Variants in CCDC88A observed in about 807,000 individuals in gnomAD.
CCDC88A encodes the protein coiled-coil and HOOK domain protein 88A.
In CCDC88A, 54 loss-of-function variants were observed where a neutral mutation model predicts 234.3. That is an observed-to-expected ratio of 0.23 (90% CI 0.19 to 0.29). The LOEUF (loss-of-function observed/expected upper bound fraction) is 0.29, where lower values mean the gene tolerates loss of function less well. Among genes scored for constraint, CCDC88A ranks in the 10% least tolerant of loss-of-function variants. The probability of loss-of-function intolerance (pLI) is 1.00; values close to 1 mark genes in which losing one functional copy is unlikely to be tolerated. For missense variants in CCDC88A, 1,832 were observed against 2,123.4 expected (o/e 0.86, Z 2.70); for synonymous variants, 753 against 737.8 (o/e 1.02, Z -0.33).
chr2:55,316,001 G>C lies in CCDC88A; in HGVS notation c.3860C>G (p.Ala1287Gly). 6.3e-7 allele frequency: 1 copy of C among 1,586,716 alleles called. No homozygotes were observed. The highest frequency in any genetic ancestry group is 8.6e-7 in the Non-Finnish European group (1 of 1,166,626). Residue 1287 changes from alanine (A) to glycine (G), a missense_variant, in exon 22 of 33, where the codon GCT (alanine) becomes GGT (glycine). Coordinates refer to ENST00000436346, the MANE Select transcript of CCDC88A (RefSeq NM_001365480.1). ...TTGTTCCTTTAGTTTTGAAAATTCA[G>C]CTTCTAATCTTGTTTGTTCCAGTTT... ...NSKLEQTRLEAEFSKLKEQYQ... is the reference protein window; with the variant it reads ...NSKLEQTRLEGEFSKLKEQYQ...
At chr2:55,311,394 G>GT (rs1389139719) in intron 23 of CCDC88A, among the ~76,000 whole-genome samples, 4 of 152,118 alleles carry the variant, frequency 2.6e-5, no homozygotes. Context: ...AAATTTTTTG[G>GT]TAAGACTGGT....
chr2:55,307,831 C>T (rs996844016), intron 25 of CCDC88A: 2 of 151,974 alleles, frequency 1.3e-5, no homozygotes, highest in African/African-American at 4.8e-5. Context: ...CTGTGTCACC[C>T]AGGCTGGAGT....
intron 10 of CCDC88A, chr2:55,345,927 A>G (rs562958246): frequency 1.6e-5 from 5 of 314,816 alleles, no homozygotes; most frequent in African/African-American, 1.1e-4. Context: ...TCTGCTCTAT[A>G]TATGATGCTA....
chr2:55,297,638 T>C (rs1355951421), intron 29 of CCDC88A, among the ~76,000 whole-genome samples: 2 of 151,340 alleles, frequency 1.3e-5, no homozygotes, highest in African/African-American at 4.9e-5. Context: ...CTGTAACTCC[T>C]GACCTCAGGT....
chr2:55,333,196 T>G (rs1685127454), intron 15 of CCDC88A, among the ~76,000 whole-genome samples: 1 of 152,174 alleles, frequency 6.6e-6, no homozygotes, highest in East Asian at 1.9e-4. Context: ...AAGGTCCCTC[T>G]CAATGCTTCT....
At chr2:55,296,181 A>C in intron 30 of CCDC88A, 77 bp downstream of exon 30, 2 of 1,470,044 alleles carry the variant, frequency 1.4e-6, no homozygotes, top group Non-Finnish European at 1.8e-6. Context: ...ACCAAAAAAA[A>C]AAAGCTCTGA....
intron 5 of CCDC88A, among the ~76,000 whole-genome samples, chr2:55,367,893 C>T (rs1049092761): frequency 2.8e-4 from 42 of 152,224 alleles, no homozygotes; most frequent in African/African-American, 9.1e-4. Context: ...CACTACCCAA[C>T]CTGGCCAAAG....
intron 12 of CCDC88A, 70 bp from the exon 13 acceptor site, chr2:55,339,718 TA>T (rs1668242616): frequency 3.6e-6 from 5 of 1,378,508 alleles, no homozygotes; most frequent in Non-Finnish European, 4.9e-6. Context: ...CTTTACTATT[TA>T]AAAAGTTGAG....
chr2:55,344,529 C>G lies in CCDC88A; in HGVS notation c.1042-15G>C, dbSNP rs1020225173. On this transcript the variant is annotated splice_polypyrimidine_tract_variant and intron_variant, in intron 10 of 32. Coordinates refer to ENST00000436346, the MANE Select transcript of CCDC88A (RefSeq NM_001365480.1). Reference sequence around the variant, plus strand: ...TCTTTTAATTCCTATAAATGTTTATCACAAATGTGTTAATATCTGTTAATT... The same window carrying G: ...TCTTTTAATTCCTATAAATGTTTATGACAAATGTGTTAATATCTGTTAATT... 7.1e-7 allele frequency: 1 copy of G among 1,398,620 alleles called. No individual in the cohort carries two copies. The highest frequency in any genetic ancestry group is 9.7e-7 in the Non-Finnish European group (1 of 1,026,272). The allele number at this position is 1,398,620 out of a possible 1,614,324, so 86.6% of individuals were successfully genotyped here. A position where few individuals can be genotyped will look rare whatever the true frequency, so the allele number is the denominator to read the frequency against.
chr2:55,370,641 CAAAAA>C (rs567431857), intron 5 of CCDC88A, among the ~76,000 whole-genome samples: 2 of 47,528 alleles, frequency 4.2e-5, no homozygotes, highest in African/African-American at 6.1e-5. Context: ...AACTCTGTCT[CAAAAA>C]AAAAAAAAAA....
chr2:55,414,214 G>C (rs142625017), intron 2 of CCDC88A, among the ~76,000 whole-genome samples: 164 of 152,216 alleles, frequency 1.1e-3, no homozygotes, highest in African/African-American at 3.8e-3. Context: ...TCAACCGTTT[G>C]GGTAATATGA....
chr2:55,369,282 T>A (rs1019244231), intron 5 of CCDC88A, among the ~76,000 whole-genome samples: 1 of 151,948 alleles, frequency 6.6e-6, no homozygotes, highest in African/African-American at 2.4e-5. Flanking sequence ...TGATCCACTG[T>A]TCCGGCCTCC....
chr2:55,333,501 G>T (rs1685165718), intron 15 of CCDC88A, among the ~76,000 whole-genome samples: 2 of 152,086 alleles, frequency 1.3e-5, no homozygotes, highest in East Asian at 3.9e-4. Context: ...ATGGGGCTTT[G>T]GAGTCTGAAA....
Position 55,295,629 on chromosome 2 carries a change from G to A in CCDC88A, c.5519C>T (p.Ala1840Val). ...RLPISVDSPP[A>V]AADSNTTAAS... is the part of the protein sequence containing the mutation. ...TGCAGTGGTGTTGCTGTCAGCAGCA[G>A]CTGGTGGTGAATCAACTGATATAGG... Residue 1840 changes from alanine to valine, a missense_variant, in exon 31 of 33, where the codon GCT becomes GTT. Physicochemically the swap from Ala to Val is moderately conservative, Grantham distance 64. This residue lies in a region of CCDC88A where 422 missense variants were observed against 416.5 expected (regional missense o/e 1.01). Coordinates refer to ENST00000436346, the MANE Select transcript of CCDC88A (RefSeq NM_001365480.1). 6.2e-7 allele frequency: 1 copy of A among 1,614,168 alleles called. No individual in the cohort carries two copies. Among genetic ancestry groups the A allele is most frequent in the Non-Finnish European group, 8.5e-7 (1 of 1,180,004 alleles).
intron 4 of CCDC88A, 27 bp downstream of exon 4, chr2:55,374,787 C>CT: frequency 6.9e-7 from 1 of 1,439,786 alleles, no homozygotes; most frequent in Non-Finnish European, 9.8e-7. Flanking sequence ...TTAGACATTA[C>CT]TTTCACAGCT....
At position 55,302,007 on chromosome 2, in the gene CCDC88A, C is replaced by T; in HGVS notation, c.4537G>A (p.Glu1513Lys). ...CCCGTTGAAATATCATCAGGAACCTCCAAATTCTCAGTACTACCTGTCCAC... is the reference window on the plus strand; with the variant it reads ...CCCGTTGAAATATCATCAGGAACCTTCAAATTCTCAGTACTACCTGTCCAC... ...GQWTGSTENL[E>K]VPDDISTGKR... is the part of the protein sequence containing the mutation. Residue 1513 changes from glutamate (E) to lysine (K), a missense_variant, in exon 27 of 33, where the codon GAG (glutamate) becomes AAG (lysine). By Grantham distance (56) the Glu-to-Lys change is moderately conservative. This residue lies in a region of CCDC88A where 1,282 missense variants were observed against 1,543.6 expected (regional missense o/e 0.83). Coordinates refer to ENST00000436346, the MANE Select transcript of CCDC88A (RefSeq NM_001365480.1). 1 of 1,614,140 alleles carries T rather than the reference C, an allele frequency of 6.2e-7. No individual in the cohort carries two copies. The highest frequency in any genetic ancestry group is 8.5e-7 in the Non-Finnish European group (1 of 1,179,986).
Position 55,416,060 on chromosome 2 carries a change from G to T in CCDC88A, c.164+2756C>A, listed in dbSNP as rs186002604. On this transcript the variant is annotated intron_variant, in intron 2 of 32. Transcript: ENST00000436346. ...TAATGGGAAGAAATATCAATCAACC[G>T]AAACCAACCCCAAAATGACACAGAC... 6.7e-5 allele frequency among the ~76,000 whole-genome samples: 10 copies of T among 150,372 alleles called. No homozygotes were observed. The East Asian group carries it at 1.9e-3, about 29-fold the overall frequency.
At position 55,362,379 on chromosome 2, in the gene CCDC88A, T is replaced by C. The variant is rs759474528; in HGVS notation, c.556A>G (p.Ile186Val). ...GCCATATTTTTCAAGAGTGGTTCTATGTCCTCCTGCGACATATCAGTCACT... is the reference window on the plus strand; with the variant it reads ...GCCATATTTTTCAAGAGTGGTTCTACGTCCTCCTGCGACATATCAGTCACT... Reference protein sequence around the residue: ...MEVTDMSQEDIEPLLKNMALH... With the variant: ...MEVTDMSQEDVEPLLKNMALH... The change falls in exon 7 of 33, where the codon ATA becomes GTA. Residue 186 changes from isoleucine (I) to valine (V), a missense_variant. Ile to Val is a conservative substitution (Grantham distance 29). This residue lies in a region of CCDC88A where 1,282 missense variants were observed against 1,543.6 expected (regional missense o/e 0.83). Coordinates refer to ENST00000436346, the MANE Select transcript of CCDC88A (RefSeq NM_001365480.1). 6 of 1,605,620 alleles carry C rather than the reference T, an allele frequency of 3.7e-6. No homozygotes were observed. The highest frequency in any genetic ancestry group is 5.1e-6 in the Non-Finnish European group (6 of 1,176,652).
At chr2:55,401,447 A>AAAT (rs1334606165) in intron 2 of CCDC88A, among the ~76,000 whole-genome samples, 2,602 of 27,208 alleles carry the variant, frequency 0.096, 584 homozygotes, top group African/African-American at 0.22. Context: ...AAAAAAAAAA[A>AAAT]ATATATATAT....
Sources: gnomAD v4.1 joint callset for allele counts (sites outside exome capture counted in the v4.1 genomes callset) on GRCh38, gnomAD v4.1.1 for gene constraint, gnomAD v4.1.1 regional missense constraint, MANE v1.5 for transcripts, NCBI Gene and HGNC (gene_info 2026-07-23, HGNC 2026-07-21) for gene names.